The following PICALM variants were observed in gnomAD, a reference collection of about 807,000 sequenced individuals.
PICALM encodes phosphatidylinositol binding clathrin assembly protein.
A neutral mutation model predicts 80.5 loss-of-function variants in PICALM; 40 were observed. The ratio of observed to expected loss-of-function variants is 0.50; its 90% CI spans 0.39 to 0.65. The LOEUF (loss-of-function observed/expected upper bound fraction) is 0.65. Ranked by LOEUF, PICALM falls within the 30% of genes least tolerant of loss-of-function variation. The pLI is 0.00. For synonymous variants in PICALM, 288 were observed against 260.3 expected (o/e 1.11, Z -1.02); for missense variants, 676 against 778.9 (o/e 0.87, Z 1.57).
chr11:85,984,065 C>A, intron 13 of PICALM, 92 bp from the exon 14 acceptor site: 1 of 627,544 alleles, frequency 1.6e-6, no homozygotes, highest in African/African-American at 1.9e-5. Context: ...GGAAAATGCA[C>A]TAAATTCCCC....
chr11:86,052,547 C>T (rs2096207101), intron 1 of PICALM, among the ~76,000 whole-genome samples: 1 of 152,114 alleles, frequency 6.6e-6, no homozygotes, highest in Admixed American at 6.5e-5. Context: ...CGGAAATCCC[C>T]AAACCTCAGT....
chr11:86,004,308 T>G (rs2095228736), intron 8 of PICALM, among the ~76,000 whole-genome samples: 1 of 152,084 alleles, frequency 6.6e-6, no homozygotes, highest in Non-Finnish European at 1.5e-5. Flanking sequence ...AAAGCCAGAA[T>G]GCAAAAGTAA....
intron 1 of PICALM, among the ~76,000 whole-genome samples, chr11:86,067,817 T>G (rs949942813): frequency 5.3e-5 from 8 of 152,156 alleles, no homozygotes; most frequent in African/African-American, 1.9e-4. Context: ...TATCCCCATG[T>G]GAAAAGCTGG....
chr11:85,962,793 C>A (rs57125313), intron 19 of PICALM, among the ~76,000 whole-genome samples: 3 of 151,996 alleles, frequency 2.0e-5, no homozygotes, highest in African/African-American at 7.3e-5. Flanking sequence ...CTGTATCAAG[C>A]GGATGAAACC....
At chr11:85,994,005 C>A (rs920512713) in intron 12 of PICALM, among the ~76,000 whole-genome samples, 1 of 152,020 alleles carries the variant, frequency 6.6e-6, no homozygotes, top group African/African-American at 2.4e-5. Context: ...CAGGTATGAG[C>A]CACTGCACCT....
At chr11:86,040,179 AAAAGG>A (rs2095933502) in intron 1 of PICALM, among the ~76,000 whole-genome samples, 1 of 152,144 alleles carries the variant, frequency 6.6e-6, no homozygotes, top group Non-Finnish European at 1.5e-5. Context: ...GATCTTACAC[AAAAGG>A]AAAGATGTTA....
rs540122398 is a variant in PICALM, at chr11:85,958,831, A to G, written c.*215T>C. The G allele has an allele frequency of 4.6e-4, 198 of 426,338 alleles. No homozygotes were observed. Among genetic ancestry groups the G allele is most frequent in the South Asian group, 1.0e-3 (12 of 11,794 alleles). The allele number at this position is 426,338 out of a possible 1,614,324, so 26.4% of individuals were successfully genotyped here. A position where few individuals can be genotyped will look rare whatever the true frequency, so the allele number is the denominator to read the frequency against. On this transcript the variant is annotated 3_prime_UTR_variant, in exon 20 of 20. Coordinates refer to ENST00000393346, the MANE Select transcript of PICALM (RefSeq NM_007166.4). ...AAAAGACAGATCTTAGTCTTAAATC[A>G]TAGCAATTCTTGGCTTTATAAACTG... is the stretch of plus-strand genomic sequence containing the variant.
At chr11:85,959,344 A>C (rs1268741949) in intron 19 of PICALM, among the ~76,000 whole-genome samples, 1 of 14,200 alleles carries the variant, frequency 7.0e-5, no homozygotes, top group Non-Finnish European at 1.4e-4. Context: ...TCAAAGCTCA[A>C]TGGCTGGGCA....
intron 19 of PICALM, among the ~76,000 whole-genome samples, chr11:85,965,443 T>C (rs1021373238): frequency 1.3e-5 from 2 of 152,328 alleles, no homozygotes; most frequent in Admixed American, 6.5e-5. Context: ...TAAATAGGAT[T>C]CCACAGAGAC....
chr11:85,969,814 C>T (rs561748617), intron 19 of PICALM, among the ~76,000 whole-genome samples: 4 of 152,246 alleles, frequency 2.6e-5, no homozygotes, highest in Non-Finnish European at 5.9e-5. Context: ...CCACTGTGTT[C>T]GGCCAACAGT....
intron 7 of PICALM, among the ~76,000 whole-genome samples, chr11:86,010,586 T>C (rs1486167579): frequency 6.6e-6 from 1 of 152,144 alleles, no homozygotes; most frequent in African/African-American, 2.4e-5. Flanking sequence ...CTTCCCAAAA[T>C]GCTGGGATTA....
chr11:86,010,574 A>T (rs1022167835), intron 7 of PICALM, among the ~76,000 whole-genome samples: 3 of 152,128 alleles, frequency 2.0e-5, no homozygotes, highest in Non-Finnish European at 4.4e-5. Flanking sequence ...CACCCACCTC[A>T]GCTTCCCAAA....
chr11:86,064,629 C>CA (rs1297679830), intron 1 of PICALM, among the ~76,000 whole-genome samples: 1 of 119,752 alleles, frequency 8.4e-6, no homozygotes, highest in East Asian at 2.3e-4. Context: ...GCCTGGGCAA[C>CA]AGAGTAAGAC....
chr11:86,019,079 T>C (rs2095525751), intron 4 of PICALM, among the ~76,000 whole-genome samples: 1 of 152,158 alleles, frequency 6.6e-6, no homozygotes, highest in South Asian at 2.1e-4. Flanking sequence ...AATGTTAACA[T>C]TTTCTATGAA....
At chr11:86,061,589 T>C (rs1034145883) in intron 1 of PICALM, among the ~76,000 whole-genome samples, 2 of 152,152 alleles carry the variant, frequency 1.3e-5, no homozygotes, top group Non-Finnish European at 2.9e-5. Context: ...CAAAACCCAT[T>C]AACAGTGACA....
At chr11:85,965,818 T>C (rs1175330824) in intron 19 of PICALM, among the ~76,000 whole-genome samples, 2 of 112,956 alleles carry the variant, frequency 1.8e-5, no homozygotes, top group Non-Finnish European at 3.8e-5. Flanking sequence ...TTTTTTTGTT[T>C]TTTTTTTTTT....
intron 1 of PICALM, among the ~76,000 whole-genome samples, chr11:86,061,762 C>T (rs903458594): frequency 4.6e-5 from 7 of 152,132 alleles, no homozygotes; most frequent in Admixed American, 6.5e-5. Context: ...TTTACCCAAA[C>T]GAACTGAAAA....
rs2093570927 is a variant in PICALM at position 85,957,774 on chromosome 11, A to G, written c.*1272T>C. ...AACAAAAATAGAATCTGCAGAGACA[A>G]TGCAACAAGAATGCTTAAACTCATG... On this transcript the variant is annotated 3_prime_UTR_variant, in exon 20 of 20. Coordinates refer to ENST00000393346, the MANE Select transcript of PICALM (RefSeq NM_007166.4). 2 of 217,164 alleles carry G rather than the reference A, an allele frequency of 9.2e-6. No homozygotes were observed. The highest frequency in any genetic ancestry group is 9.3e-6 in the Non-Finnish European group (1 of 107,740). 13.5% of individuals were successfully genotyped at this position (217,164 alleles called of 1,614,324 possible).
At chr11:86,068,439 G>A (rs767740429) in intron 1 of PICALM, among the ~76,000 whole-genome samples, 7 of 152,132 alleles carry the variant, frequency 4.6e-5, no homozygotes, top group Non-Finnish European at 1.0e-4. Context: ...GAGGGGAGTG[G>A]CTTGTCAGAT....
Sources: allele counts gnomAD v4.1 joint callset (sites outside exome capture counted in the v4.1 genomes callset), GRCh38; gene constraint gnomAD v4.1.1; transcripts MANE v1.5; gene names NCBI Gene and HGNC (gene_info 2026-07-23, HGNC 2026-07-21).